FNDC3B: variants seen among roughly 807,000 people sequenced by gnomAD.
FNDC3B encodes the protein fibronectin type III domain containing 3B.
Under a neutral mutation model 151.5 loss-of-function variants are expected in FNDC3B, and 12 were observed. That is an observed-to-expected ratio of 0.08 (90% CI 0.05 to 0.13). FNDC3B has a LOEUF of 0.13. Ranked by LOEUF, FNDC3B falls within the 10% of genes least tolerant of loss-of-function variation. The probability of loss-of-function intolerance (pLI) is 1.00; values close to 1 mark genes in which losing one functional copy is unlikely to be tolerated. For missense variants in FNDC3B, 1,214 were observed against 1,505.3 expected (o/e 0.81, Z 3.20); for synonymous variants, 528 against 549.0 (o/e 0.96, Z 0.54).
intron 3 of FNDC3B, among the ~76,000 whole-genome samples, chr3:172,151,088 C>T (rs1462011924): frequency 6.6e-6 from 1 of 152,164 alleles, no homozygotes; most frequent in African/African-American, 2.4e-5. Context: ...GGAGGACTTA[C>T]ATACAAGTCA....
At chr3:172,263,988 T>C (rs1172598303) in intron 6 of FNDC3B, among the ~76,000 whole-genome samples, 1 of 152,092 alleles carries the variant, frequency 6.6e-6, no homozygotes, top group African/African-American at 2.4e-5. Context: ...TTTTCTTTTC[T>C]TTTATGGGTT....
rs11294678 is a variant in FNDC3B, at chr3:172,244,617, C to CTTTTTTTTTTTT, written c.265-2902_265-2891dup. On this transcript the variant is annotated intron_variant, in intron 4 of 25. Transcript: ENST00000415807. ...TACTATTTCAGAATTAATATTTCAC[C>CTTTTTTTTTTTT]TTTTTTTTTTTTTTTTTTTTTTTTT... Among the ~76,000 whole-genome samples the CTTTTTTTTTTTT allele has an allele frequency of 2.9e-4, 21 of 73,064 alleles. 2 individuals are homozygous for CTTTTTTTTTTTT. The highest frequency in any genetic ancestry group is 4.2e-4 in the Non-Finnish European group (18 of 43,236). 47.9% of individuals were successfully genotyped at this position (73,064 alleles called of 152,430 possible). A position where few individuals can be genotyped will look rare whatever the true frequency, so the allele number is the denominator to read the frequency against.
chr3:172,325,950 A>G (rs1732320439), intron 11 of FNDC3B, among the ~76,000 whole-genome samples: 1 of 152,032 alleles, frequency 6.6e-6, no homozygotes, highest in African/African-American at 2.4e-5. Context: ...CAGCCTCCCA[A>G]GTAGCTGGGA....
chr3:172,163,597 A>G (rs1362610710), intron 3 of FNDC3B, among the ~76,000 whole-genome samples: 1 of 152,178 alleles, frequency 6.6e-6, no homozygotes, highest in Non-Finnish European at 1.5e-5. Context: ...AACATACTAT[A>G]TGTATTCTTC....
At chr3:172,048,628 C>T (rs1716481231) in intron 1 of FNDC3B, among the ~76,000 whole-genome samples, 1 of 152,120 alleles carries the variant, frequency 6.6e-6, no homozygotes, top group South Asian at 2.1e-4. Context: ...AAAGCAGGGA[C>T]TCAGGTACTT....
At chr3:172,117,529 CA>C (rs1207232864) in intron 2 of FNDC3B, among the ~76,000 whole-genome samples, 1 of 152,168 alleles carries the variant, frequency 6.6e-6, no homozygotes, top group Non-Finnish European at 1.5e-5. Flanking sequence ...AGAATTATAG[CA>C]GCTACCAGTT....
Position 172,337,313 on chromosome 3 carries a change from A to C in FNDC3B, c.1781-17A>C, listed in dbSNP as rs769051862. ...AATATCCTTTTATTGCTAATAAGAC[A>C]TTTGGTTATTTTCCAGATCCCCCTA... On this transcript the variant is annotated splice_polypyrimidine_tract_variant and intron_variant, in intron 15 of 25. Coordinates refer to ENST00000415807, the MANE Select transcript of FNDC3B (RefSeq NM_022763.4). 151 of 1,555,546 alleles carry C rather than the reference A, an allele frequency of 9.7e-5. No individual in the cohort carries two copies. The highest frequency in any genetic ancestry group is 1.3e-4 in the Non-Finnish European group (144 of 1,130,368).
intron 2 of FNDC3B, among the ~76,000 whole-genome samples, chr3:172,128,671 A>T (rs1175041380): frequency 1.3e-5 from 2 of 152,226 alleles, no homozygotes; most frequent in Non-Finnish European, 2.9e-5. Flanking sequence ...TGAAGTTATT[A>T]GGTATTCCTG....
chr3:172,337,232 G>A, intron 15 of FNDC3B, 98 bp from the exon 16 acceptor site: 1 of 723,986 alleles, frequency 1.4e-6, no homozygotes, highest in South Asian at 2.2e-5. Context: ...CTAGAATTCA[G>A]ATAGTATAAT....
chr3:172,059,376 A>G (rs867583495), intron 1 of FNDC3B, among the ~76,000 whole-genome samples: 8 of 152,300 alleles, frequency 5.3e-5, no homozygotes, highest in Middle Eastern at 6.8e-3. Flanking sequence ...AGTTCTCCTC[A>G]GGACTCCTGA....
At chr3:172,151,218 G>C (rs189673405) in intron 3 of FNDC3B, among the ~76,000 whole-genome samples, 1 of 152,202 alleles carries the variant, frequency 6.6e-6, no homozygotes, top group African/African-American at 2.4e-5. Context: ...CTCTGTATGT[G>C]TGAGTGTATA....
intron 3 of FNDC3B, among the ~76,000 whole-genome samples, chr3:172,191,658 G>A (rs1724515405): frequency 6.6e-6 from 1 of 152,062 alleles, no homozygotes. Flanking sequence ...CACCATGCCT[G>A]GCTAATTTTT....
rs2108316649 is a variant in FNDC3B at position 172,347,343 on chromosome 3, G to A, written c.2496G>A (p.Gln832=). 1 of 1,613,734 alleles carries A rather than the reference G, an allele frequency of 6.2e-7. No individual in the cohort carries two copies. Among genetic ancestry groups the A allele is most frequent in the Non-Finnish European group, 8.5e-7 (1 of 1,179,832 alleles). The stretch of plus-strand genomic sequence containing the variant: ...TAAGAGACCTGTTGCCTGCTGCACA[G>A]TATTGCTGTAGACTACAGGTAGGTT... ...FEIRDLLPAA[Q]YCCRLQAFNQ... Residue 832 remains glutamine (Q), a synonymous_variant, in exon 21 of 26, where the codon CAG becomes CAA. Coordinates refer to ENST00000415807, the MANE Select transcript of FNDC3B (RefSeq NM_022763.4).
At chr3:172,216,531 G>A (rs955999118) in intron 3 of FNDC3B, among the ~76,000 whole-genome samples, 2 of 152,104 alleles carry the variant, frequency 1.3e-5, no homozygotes, top group East Asian at 1.9e-4. Flanking sequence ...AGCTGCACAT[G>A]TAGTGGCTTG....
chr3:172,359,898 G>A (rs879823356), intron 22 of FNDC3B, among the ~76,000 whole-genome samples: 10 of 152,146 alleles, frequency 6.6e-5, no homozygotes, highest in Admixed American at 2.6e-4. Flanking sequence ...TATTTACTAC[G>A]TTCCAAACTA....
intron 4 of FNDC3B, among the ~76,000 whole-genome samples, chr3:172,234,191 C>T (rs921217734): frequency 2.0e-5 from 3 of 152,122 alleles, no homozygotes; most frequent in Admixed American, 6.5e-5. Context: ...AGGGCCCAAG[C>T]GAGGCTCTAC....
intron 6 of FNDC3B, among the ~76,000 whole-genome samples, chr3:172,263,586 GTTTTTT>G (rs35762662): frequency 0.011 from 1,124 of 102,204 alleles, 13 homozygotes; most frequent in African/African-American, 0.043. Context: ...GCTATCAAGT[GTTTTTT>G]TTTTTTTTTT....
chr3:172,214,093 C>A (rs1265193052), intron 3 of FNDC3B, among the ~76,000 whole-genome samples: 1 of 152,058 alleles, frequency 6.6e-6, no homozygotes, highest in African/African-American at 2.4e-5. Flanking sequence ...TCTAGGTGAC[C>A]AACTTTCCCA....
chr3:172,207,381 T>A (rs1725486681), intron 3 of FNDC3B, among the ~76,000 whole-genome samples: 1 of 152,200 alleles, frequency 6.6e-6, no homozygotes, highest in African/African-American at 2.4e-5. Flanking sequence ...TAACACAGTT[T>A]ACAAGGAAAA....
Sources: gnomAD v4.1 joint callset for allele counts (sites outside exome capture counted in the v4.1 genomes callset) on GRCh38, gnomAD v4.1.1 for gene constraint, MANE v1.5 for transcripts, NCBI Gene and HGNC (gene_info 2026-07-23, HGNC 2026-07-21) for gene names.